OSBPL6: variants seen among roughly 807,000 people sequenced by gnomAD.
The protein encoded by OSBPL6 is oxysterol-binding protein-related protein 6.
In OSBPL6, 49 loss-of-function variants were observed where a neutral mutation model predicts 125.8. The ratio of observed to expected loss-of-function variants is 0.39; its 90% CI spans 0.31 to 0.49. The LOEUF (loss-of-function observed/expected upper bound fraction) is 0.49. Among genes scored for constraint, OSBPL6 ranks in the 20% least tolerant of loss-of-function variants. The pLI, the probability that OSBPL6 is intolerant of heterozygous loss-of-function variation, is 0.88. For synonymous variants in OSBPL6, 394 were observed against 391.8 expected (o/e 1.01, Z -0.07); for missense variants, 986 against 1,135.4 (o/e 0.87, Z 1.89).
intron 1 of OSBPL6, among the ~76,000 whole-genome samples, chr2:178,194,975 G>A (rs1224260791): frequency 6.6e-6 from 1 of 152,014 alleles, no homozygotes; most frequent in Non-Finnish European, 1.5e-5. Context: ...AGGGAATTCC[G>A]GCCGCCTGCC....
intron 1 of OSBPL6, among the ~76,000 whole-genome samples, chr2:178,276,523 C>T (rs1028391122): frequency 4.6e-5 from 7 of 152,008 alleles, no homozygotes; most frequent in African/African-American, 1.7e-4. Flanking sequence ...CAGGTATGCA[C>T]CACCACACCC....
chr2:178,308,984 C>T (rs1687023505), intron 3 of OSBPL6, among the ~76,000 whole-genome samples: 1 of 152,104 alleles, frequency 6.6e-6, no homozygotes, highest in South Asian at 2.1e-4. Context: ...TACTTGGAAC[C>T]CCATGTCTAG....
chr2:178,252,405 C>CAATAA (rs2091728676), intron 1 of OSBPL6, among the ~76,000 whole-genome samples: 1 of 151,430 alleles, frequency 6.6e-6, no homozygotes, highest in Non-Finnish European at 1.5e-5. Context: ...TGCTGTATTC[C>CAATAA]AATAAAACTT....
Position 178,402,701 on chromosome 2 carries a change from GA to G in OSBPL6, c.*7144del, listed in dbSNP as rs1262080963. On this transcript the variant is annotated 3_prime_UTR_variant, in exon 25 of 25. Coordinates refer to ENST00000190611, the MANE Select transcript of OSBPL6 (RefSeq NM_032523.4). Reference sequence around the variant, plus strand: ...GAAAAATTAAATTTTTTTAGGAAAAGAATTTCAAGCAACTTTCTACGAAAAT... The same window carrying G: ...GAAAAATTAAATTTTTTTAGGAAAAGATTTCAAGCAACTTTCTACGAAAAT... 5.9e-5 allele frequency: 9 copies of G among 152,166 alleles called. No homozygotes were observed. The highest frequency in any genetic ancestry group is 1.2e-4 in the Non-Finnish European group (8 of 68,026). The allele number at this position is 152,166 out of a possible 1,614,324, so 9.4% of individuals were successfully genotyped here.
intron 2 of OSBPL6, among the ~76,000 whole-genome samples, chr2:178,302,525 G>C (rs1450707013): frequency 6.6e-6 from 1 of 151,836 alleles, no homozygotes; most frequent in Non-Finnish European, 1.5e-5. Flanking sequence ...ATTGAAAATT[G>C]GTTGGAATAA....
chr2:178,252,642 C>G (rs941897252), intron 1 of OSBPL6, among the ~76,000 whole-genome samples: 1 of 152,102 alleles, frequency 6.6e-6, no homozygotes, highest in African/African-American at 2.4e-5. Context: ...TGATCTACAT[C>G]ACAGATAACA....
chr2:178,311,740 A>G (rs1687288353), intron 3 of OSBPL6, among the ~76,000 whole-genome samples: 2 of 152,184 alleles, frequency 1.3e-5, no homozygotes, highest in South Asian at 4.1e-4. Context: ...CAAGTCCCAC[A>G]AGAGTGGATT....
chr2:178,352,870 T>A (rs1215345857), intron 12 of OSBPL6, among the ~76,000 whole-genome samples: 10 of 152,088 alleles, frequency 6.6e-5, no homozygotes. Context: ...GGTGGGTGCC[T>A]CTCTGAGACG....
intron 1 of OSBPL6, among the ~76,000 whole-genome samples, chr2:178,198,325 C>T (rs2089026670): frequency 6.6e-6 from 1 of 151,440 alleles, no homozygotes; most frequent in East Asian, 1.9e-4. Context: ...TCTTTCCAGA[C>T]AGAATCTCGC....
At chr2:178,372,310 A>G in intron 14 of OSBPL6, 77 bp downstream of exon 14, 2 of 1,025,594 alleles carry the variant, frequency 2.0e-6, no homozygotes, top group South Asian at 1.6e-5. Flanking sequence ...GTTTATTTAT[A>G]TCCAGTTCTT....
intron 1 of OSBPL6, among the ~76,000 whole-genome samples, chr2:178,195,543 GTT>G (rs1447034148): frequency 2.0e-5 from 3 of 152,220 alleles, no homozygotes; most frequent in Admixed American, 6.5e-5. Context: ...CTTTTAAGCT[GTT>G]TTTGAAAGTT....
intron 15 of OSBPL6, among the ~76,000 whole-genome samples, chr2:178,381,355 C>T (rs112365580): frequency 2.6e-5 from 4 of 151,950 alleles, no homozygotes; most frequent in African/African-American, 7.2e-5. Flanking sequence ...GAATCTAAGC[C>T]GTATTTCTTT....
In OSBPL6 at chr2:178,383,286, T is replaced by A; in HGVS notation, c.1875+9T>A. 1 of 1,612,846 alleles carries A rather than the reference T, an allele frequency of 6.2e-7. No individual in the cohort carries two copies. Among genetic ancestry groups the A allele is most frequent in the South Asian group, 1.1e-5 (1 of 90,970 alleles). On this transcript the variant is annotated intron_variant, in intron 17 of 24. Coordinates refer to ENST00000190611, the MANE Select transcript of OSBPL6 (RefSeq NM_032523.4). Reference sequence around the variant, plus strand: ...ATCCATATGAGCGCATGGTAATAAATAACTAACAGAGCAGCGCCCCTCAGG... The same window carrying A: ...ATCCATATGAGCGCATGGTAATAAAAAACTAACAGAGCAGCGCCCCTCAGG...
At chr2:178,248,914 C>G (rs2091587614) in intron 1 of OSBPL6, among the ~76,000 whole-genome samples, 1 of 151,768 alleles carries the variant, frequency 6.6e-6, no homozygotes. Flanking sequence ...TTTCTATTAC[C>G]TTTTGTATTT....
intron 1 of OSBPL6, among the ~76,000 whole-genome samples, chr2:178,225,798 T>C (rs1326848924): frequency 6.6e-6 from 1 of 152,182 alleles, no homozygotes; most frequent in Admixed American, 6.5e-5. Flanking sequence ...TTCAGTATCA[T>C]GATAACAGCA....
Position 178,324,204 on chromosome 2 carries a change from T to C in OSBPL6, c.130T>C (p.Ser44Pro). 1.3e-6 allele frequency: 2 copies of C among 1,568,698 alleles called. No homozygotes were observed. Among genetic ancestry groups the C allele is most frequent in the Non-Finnish European group, 1.7e-6 (2 of 1,147,904 alleles). ...TATTCACATACTGGAGAGGACTGCT[T>C]CCTCTAGCACCGAGCCCTCTGTAAG... Reference protein sequence around the residue: ...QSIHILERTASSSTEPSVSRQ... With the variant: ...QSIHILERTAPSSTEPSVSRQ... Residue 44 changes from serine to proline, a missense_variant, in exon 4 of 25, where the codon TCC (serine) becomes CCC (proline). By Grantham distance (74) the Ser-to-Pro change is moderately conservative. Coordinates refer to ENST00000190611, the MANE Select transcript of OSBPL6 (RefSeq NM_032523.4).
At chr2:178,279,088 ACTCTT>A (rs2092526563) in intron 1 of OSBPL6, among the ~76,000 whole-genome samples, 1 of 152,052 alleles carries the variant, frequency 6.6e-6, no homozygotes, top group Non-Finnish European at 1.5e-5. Context: ...TACATAGATA[ACTCTT>A]CTGGTTGTCT....
At chr2:178,218,666 G>A (rs1174994672) in intron 1 of OSBPL6, among the ~76,000 whole-genome samples, 1 of 127,744 alleles carries the variant, frequency 7.8e-6, no homozygotes, top group Non-Finnish European at 1.6e-5. Context: ...GTCTTGCTCT[G>A]TTGCCCAGGC....
At chr2:178,335,421 T>C (rs1426374140) in intron 8 of OSBPL6, among the ~76,000 whole-genome samples, 6 of 152,240 alleles carry the variant, frequency 3.9e-5, no homozygotes, top group Admixed American at 2.0e-4. Flanking sequence ...ATTACATTTA[T>C]CAACATGCAA....
Sources: gnomAD v4.1 joint callset for allele counts (sites outside exome capture counted in the v4.1 genomes callset) on GRCh38, gnomAD v4.1.1 for gene constraint, MANE v1.5 for transcripts, NCBI Gene and HGNC (gene_info 2026-07-23, HGNC 2026-07-21) for gene names.